AGBL4: variants seen among roughly 807,000 people sequenced by gnomAD.
AGBL4 encodes the protein cytosolic carboxypeptidase 6.
Under a neutral mutation model 66.4 loss-of-function variants are expected in AGBL4, and 58 were observed. That is an observed-to-expected ratio of 0.87 (90% CI 0.71 to 1.09). AGBL4 has a LOEUF of 1.09. Among genes scored for constraint, AGBL4 ranks in the 50% least tolerant of loss-of-function variants. The pLI, the probability that AGBL4 is intolerant of heterozygous loss-of-function variation, is 0.00. For missense variants in AGBL4, 579 were observed against 631.0 expected, an observed-to-expected ratio of 0.92 and a Z score of 0.88; for synonymous variants, 234 against 222.9, an observed-to-expected ratio of 1.05 and a Z score of -0.44.
chr1:48,560,831 G>T (rs182205980), intron 11 of AGBL4, among the ~76,000 whole-genome samples: 1 of 152,308 alleles, frequency 6.6e-6, no homozygotes. Context: ...AATTTTGAAG[G>T]CACTAATTTA....
At chr1:49,080,394 G>A (rs76427304) in intron 4 of AGBL4, among the ~76,000 whole-genome samples, 188 of 152,222 alleles carry the variant, frequency 1.2e-3, no homozygotes, top group Non-Finnish European at 1.9e-3. Context: ...AAGCTGAGGC[G>A]TCACTTTATA....
intron 2 of AGBL4, among the ~76,000 whole-genome samples, chr1:49,775,093 A>G (rs1644163260): frequency 6.6e-6 from 1 of 152,198 alleles, no homozygotes; most frequent in Non-Finnish European, 1.5e-5. Context: ...AAATATTTAC[A>G]AGATATTGAA....
intron 2 of AGBL4, among the ~76,000 whole-genome samples, chr1:49,850,806 C>T (rs1571713518): frequency 6.6e-6 from 1 of 152,056 alleles, no homozygotes; most frequent in East Asian, 1.9e-4. Context: ...TATTCTGAGT[C>T]TCTACTGTGT....
chr1:49,545,970 G>A (rs550906371), intron 3 of AGBL4, among the ~76,000 whole-genome samples: 1 of 152,212 alleles, frequency 6.6e-6, no homozygotes, highest in Non-Finnish European at 1.5e-5. Flanking sequence ...AGAATTGGAT[G>A]CACCCATCAC....
chr1:49,962,067 G>C (rs1013847328), intron 1 of AGBL4, among the ~76,000 whole-genome samples: 8 of 152,112 alleles, frequency 5.3e-5, no homozygotes, highest in African/African-American at 1.9e-4. Context: ...CTCGGATGCT[G>C]CTTCATGAAA....
At chr1:49,552,007 G>A (rs1256177538) in intron 3 of AGBL4, among the ~76,000 whole-genome samples, 3 of 152,108 alleles carry the variant, frequency 2.0e-5, no homozygotes, top group East Asian at 1.9e-4. Context: ...TTCCCAGGTC[G>A]ATGGAGTTAC....
intron 4 of AGBL4, among the ~76,000 whole-genome samples, chr1:49,146,546 C>A (rs17105526): frequency 6.6e-6 from 1 of 152,108 alleles, no homozygotes; most frequent in Non-Finnish European, 1.5e-5. Context: ...TTGGTTGAAA[C>A]GGAAAACACC....
rs555692623 is a variant in AGBL4 at position 49,578,675 on chromosome 1, T to C, written c.282+118638A>G. 1.8e-3 allele frequency among the ~76,000 whole-genome samples: 272 copies of C among 152,350 alleles called. 1 individual carries two copies. The highest frequency in any genetic ancestry group is 2.9e-3 in the Non-Finnish European group (199 of 68,040). ...CAGCATTTAAGTATTGTTAACTTTATGTAATAGTATTTGGGTTGGGGATTG... is the reference window on the plus strand; with the variant it reads ...CAGCATTTAAGTATTGTTAACTTTACGTAATAGTATTTGGGTTGGGGATTG... On this transcript the variant is annotated intron_variant, in intron 3 of 13. Coordinates refer to ENST00000371839, the MANE Select transcript of AGBL4 (RefSeq NM_032785.4).
intron 4 of AGBL4, among the ~76,000 whole-genome samples, chr1:49,222,147 T>A (rs1375661549): frequency 1.3e-5 from 2 of 152,104 alleles, no homozygotes; most frequent in Non-Finnish European, 2.9e-5. Flanking sequence ...ATATAAGCAA[T>A]CCCTGATACA....
At chr1:49,211,300 A>G (rs750154479) in intron 4 of AGBL4, among the ~76,000 whole-genome samples, 1 of 152,108 alleles carries the variant, frequency 6.6e-6, no homozygotes, top group Admixed American at 6.6e-5. Context: ...ATTCATCCAC[A>G]ACCAACCCAC....
At chr1:48,580,323 A>G (rs1042127897) in intron 11 of AGBL4, among the ~76,000 whole-genome samples, 2 of 152,098 alleles carry the variant, frequency 1.3e-5, no homozygotes, top group African/African-American at 2.4e-5. Flanking sequence ...GTCCCCTAAG[A>G]CCTTTCCTGT....
intron 3 of AGBL4, among the ~76,000 whole-genome samples, chr1:49,427,821 C>T (rs1427432721): frequency 2.6e-5 from 4 of 152,214 alleles, no homozygotes; most frequent in South Asian, 4.1e-4. Flanking sequence ...TATTTGGCCC[C>T]GCCCACATCC....
chr1:49,875,388 T>G (rs965840829), intron 1 of AGBL4, among the ~76,000 whole-genome samples: 8 of 133,456 alleles, frequency 6.0e-5, no homozygotes, highest in African/African-American at 2.2e-4. Flanking sequence ...TTCCCACCTA[T>G]GAGTGAGAAT....
intron 11 of AGBL4, among the ~76,000 whole-genome samples, chr1:48,540,468 C>A (rs990545730): frequency 6.6e-6 from 1 of 152,090 alleles, no homozygotes; most frequent in Non-Finnish European, 1.5e-5. Flanking sequence ...TGCTGAAGTA[C>A]CTCCCTGCCC....
chr1:49,456,531 C>T (rs1404993971), intron 3 of AGBL4, among the ~76,000 whole-genome samples: 1 of 151,560 alleles, frequency 6.6e-6, no homozygotes, highest in Non-Finnish European at 1.5e-5. Flanking sequence ...AAGTAGTTTC[C>T]ATCATTTATT....
intron 4 of AGBL4, among the ~76,000 whole-genome samples, chr1:49,229,860 A>C (rs1170174648): frequency 6.6e-6 from 1 of 152,166 alleles, no homozygotes; most frequent in African/African-American, 2.4e-5. Context: ...GTGAAGGATA[A>C]GGTCTAAACT....
At chr1:49,279,286 A>G (rs1182070526) in intron 3 of AGBL4, among the ~76,000 whole-genome samples, 1 of 152,224 alleles carries the variant, frequency 6.6e-6, no homozygotes, top group Non-Finnish European at 1.5e-5. Flanking sequence ...GACCTGTCTT[A>G]CAAGGTAGAG....
Position 48,653,369 on chromosome 1 carries a change from G to C in AGBL4, c.807C>G (p.Leu269=). ...TGCCCAGGTAGACTCCATCAGGATT[G>C]AGCATTGGTGCGATCTTGAAGACCA... The part of the protein sequence containing the change: ...EYLVFKIAPM[L]NPDGVYLGNY... Residue 269 remains leucine, a synonymous_variant, in exon 8 of 14, where the codon CTC becomes CTG. Transcript: ENST00000371839. The C allele has an allele frequency of 6.3e-7, 1 of 1,585,090 alleles. No individual in the cohort carries two copies. Among genetic ancestry groups the C allele is most frequent in the Non-Finnish European group, 8.6e-7 (1 of 1,164,846 alleles).
intron 3 of AGBL4, among the ~76,000 whole-genome samples, chr1:49,370,902 C>T (rs1337968254): frequency 2.0e-5 from 3 of 152,152 alleles, no homozygotes; most frequent in South Asian, 4.1e-4. Flanking sequence ...GTGAACTTTG[C>T]GTAGATTACC....
Sources: gnomAD v4.1 joint callset for allele counts (sites outside exome capture counted in the v4.1 genomes callset) on GRCh38, gnomAD v4.1.1 for gene constraint, MANE v1.5 for transcripts, NCBI Gene and HGNC (gene_info 2026-07-23, HGNC 2026-07-21) for gene names.